Variants in FUT9 observed in about 807,000 individuals in gnomAD.
FUT9 encodes fucosyltransferase 9, also known as 4-galactosyl-N-acetylglucosaminide 3-alpha-L-fucosyltransferase 9.
Under a neutral mutation model 29.7 loss-of-function variants are expected in FUT9, and 15 were observed. The observed-to-expected ratio is 0.51, with a 90% CI of 0.34 to 0.78. FUT9 has a LOEUF of 0.78. Ranked by LOEUF, FUT9 falls within the 30% of genes least tolerant of loss-of-function variation. The probability of loss-of-function intolerance (pLI) is 0.01; values close to 1 mark genes in which losing one functional copy is unlikely to be tolerated. For missense variants in FUT9, 319 were observed against 425.4 expected (o/e 0.75, Z 2.20); for synonymous variants, 169 against 153.7 (o/e 1.10, Z -0.74).
At position 96,149,830 on chromosome 6, in the gene FUT9, T is replaced by C. The variant is rs774108209; in HGVS notation, c.-9+35703T>C. On this transcript the variant is annotated intron_variant, in intron 2 of 2. Transcript: ENST00000302103. ...AGGTATCCATCACCTTAAGCTTTTA[T>C]CATTTCTTTGTGTTAGGAACATTTC... is the stretch of plus-strand genomic sequence containing the variant. Among the ~76,000 whole-genome samples, 5 of 152,216 alleles carry C rather than the reference T, an allele frequency of 3.3e-5. No homozygotes were observed. The South Asian group carries it at 6.2e-4, about 19-fold the overall frequency.
chr6:96,041,872 G>T (rs1359768732), intron 1 of FUT9, among the ~76,000 whole-genome samples: 1 of 152,004 alleles, frequency 6.6e-6, no homozygotes, highest in Non-Finnish European at 1.5e-5. Flanking sequence ...TTCTGTTATT[G>T]TTCTAATACA....
intron 2 of FUT9, among the ~76,000 whole-genome samples, chr6:96,114,650 A>G (rs1370205781): frequency 6.6e-6 from 1 of 151,418 alleles, no homozygotes; most frequent in East Asian, 1.9e-4. Context: ...AATTTATTTA[A>G]TAAGTTAAAT....
intron 1 of FUT9, among the ~76,000 whole-genome samples, chr6:96,040,756 G>A (rs1225188241): frequency 6.6e-6 from 1 of 152,122 alleles, no homozygotes; most frequent in Non-Finnish European, 1.5e-5. Flanking sequence ...GGGCATTGAA[G>A]GCCAAGGAGA....
intron 1 of FUT9, among the ~76,000 whole-genome samples, chr6:96,091,356 AG>A (rs1174139266): frequency 6.6e-6 from 1 of 152,130 alleles, no homozygotes; most frequent in African/African-American, 2.4e-5. Context: ...AACCAAAGGA[AG>A]GAAGAACTCA....
intron 1 of FUT9, among the ~76,000 whole-genome samples, chr6:96,067,477 C>A (rs1770983872): frequency 6.6e-6 from 1 of 151,990 alleles, no homozygotes; most frequent in Non-Finnish European, 1.5e-5. Context: ...GTATCAGAGG[C>A]ATCATGAAAG....
chr6:96,148,200 A>G (rs1301805847), intron 2 of FUT9, among the ~76,000 whole-genome samples: 2 of 152,192 alleles, frequency 1.3e-5, no homozygotes, highest in African/African-American at 2.4e-5. Context: ...TAAGCTTGGA[A>G]TGTAAAAATC....
At chr6:96,177,508 A>G (rs1422702182) in intron 2 of FUT9, among the ~76,000 whole-genome samples, 1 of 152,182 alleles carries the variant, frequency 6.6e-6, no homozygotes, top group Non-Finnish European at 1.5e-5. Context: ...ATATAAAAAA[A>G]CAGAAAACCT....
Position 96,016,174 on chromosome 6 carries a change from C to G in FUT9, c.-136C>G, listed in dbSNP as rs1038876300. On this transcript the variant is annotated 5_prime_UTR_variant, in exon 1 of 3. Coordinates refer to ENST00000302103, the MANE Select transcript of FUT9 (RefSeq NM_006581.4). ...TGCCTGCCTCCTGCGCCGCGCAGCCCTCGCGAGCGCCCCGGATGGCGCTTT... is the reference window on the plus strand; with the variant it reads ...TGCCTGCCTCCTGCGCCGCGCAGCCGTCGCGAGCGCCCCGGATGGCGCTTT... The G allele has an allele frequency of 2.0e-5, 3 of 153,788 alleles. No individual in the cohort carries two copies. The highest frequency in any genetic ancestry group is 7.2e-5 in the African/African-American group (3 of 41,476). 9.5% of individuals were successfully genotyped at this position (153,788 alleles called of 1,614,324 possible). A position where few individuals can be genotyped will look rare whatever the true frequency, so the allele number is the denominator to read the frequency against.
At chr6:96,162,463 A>G (rs1772929896) in intron 2 of FUT9, among the ~76,000 whole-genome samples, 1 of 152,170 alleles carries the variant, frequency 6.6e-6, no homozygotes, top group Admixed American at 6.5e-5. Flanking sequence ...TAACCTACAG[A>G]CTATGAATGC....
At position 96,060,523 on chromosome 6, in the gene FUT9, CT is replaced by C. The variant is rs1043960688; in HGVS notation, c.-98+44317del. On this transcript the variant is annotated intron_variant, in intron 1 of 2. Transcript: ENST00000302103. ...AGTTTATCTGTAACATTAAGCATAA[CT>C]TTTTTCTTTTCTCTCTCTCTTTTTT... Among the ~76,000 whole-genome samples, 53 of 151,186 alleles carry C rather than the reference CT, an allele frequency of 3.5e-4. 1 individual carries two copies. The highest frequency in any genetic ancestry group is 1.2e-3 in the African/African-American group (48 of 41,278).
chr6:96,090,202 G>A (rs1771387782), intron 1 of FUT9, among the ~76,000 whole-genome samples: 1 of 151,938 alleles, frequency 6.6e-6, no homozygotes, highest in African/African-American at 2.4e-5. Context: ...CAAAAAGATA[G>A]TATCAATAAA....
chr6:96,195,937 G>C (rs1275917165), intron 2 of FUT9, among the ~76,000 whole-genome samples: 1 of 152,174 alleles, frequency 6.6e-6, no homozygotes, highest in Admixed American at 6.6e-5. Context: ...TTGAGAATCA[G>C]ATAACACCAA....
rs1769973269 is a variant in FUT9, at chr6:96,016,178, C to G, written c.-132C>G. On this transcript the variant is annotated 5_prime_UTR_variant, in exon 1 of 3. Transcript: ENST00000302103. ...TGCCTCCTGCGCCGCGCAGCCCTCG[C>G]GAGCGCCCCGGATGGCGCTTTACCC... is the stretch of plus-strand genomic sequence containing the variant. 6.5e-6 allele frequency: 1 copy of G among 153,688 alleles called. No homozygotes were observed. Among genetic ancestry groups the G allele is most frequent in the South Asian group, 2.0e-4 (1 of 4,914 alleles). The allele number at this position is 153,688 out of a possible 1,614,324, so 9.5% of individuals were successfully genotyped here.
chr6:96,037,688 T>A (rs1264769283), intron 1 of FUT9, among the ~76,000 whole-genome samples: 31 of 76,786 alleles, frequency 4.0e-4, no homozygotes, highest in Admixed American at 3.2e-3. Context: ...AAAAAAAAAT[T>A]TTTTTGAATG....
intron 1 of FUT9, among the ~76,000 whole-genome samples, chr6:96,105,866 T>A (rs943721346): frequency 2.0e-5 from 3 of 152,168 alleles, no homozygotes; most frequent in African/African-American, 7.2e-5. Context: ...ATTATCAGCA[T>A]CTCTGGAAAT....
intron 1 of FUT9, among the ~76,000 whole-genome samples, chr6:96,073,519 G>T (rs1177398734): frequency 6.6e-6 from 1 of 152,140 alleles, no homozygotes; most frequent in Non-Finnish European, 1.5e-5. Context: ...GCAAGTAAAG[G>T]CCTAAAGGCC....
intron 2 of FUT9, among the ~76,000 whole-genome samples, chr6:96,161,708 T>C (rs1283714713): frequency 6.6e-6 from 1 of 152,198 alleles, no homozygotes; most frequent in Non-Finnish European, 1.5e-5. Context: ...TTCTGTTCAA[T>C]AAAAGCTGTA....
intron 2 of FUT9, among the ~76,000 whole-genome samples, chr6:96,139,289 C>T (rs1409071985): frequency 1.3e-5 from 2 of 152,166 alleles, no homozygotes; most frequent in South Asian, 2.1e-4. Flanking sequence ...TGTCTCAAAT[C>T]CAGGTCATAC....
chr6:96,065,476 CTAAG>C, intron 1 of FUT9, among the ~76,000 whole-genome samples: 1 of 152,234 alleles, frequency 6.6e-6, no homozygotes, highest in Non-Finnish European at 1.5e-5. Context: ...GCTCAGTTCT[CTAAG>C]TAATTGGCCA....
Sources: gnomAD v4.1 joint callset for allele counts (sites outside exome capture counted in the v4.1 genomes callset) on GRCh38, gnomAD v4.1.1 for gene constraint, MANE v1.5 for transcripts, NCBI Gene and HGNC (gene_info 2026-07-23, HGNC 2026-07-21) for gene names.